Variants in CTDSP1 observed in about 807,000 individuals in gnomAD.
The protein encoded by CTDSP1 is carboxy-terminal domain RNA polymerase II polypeptide A small phosphatase 1.
A neutral mutation model predicts 32.5 loss-of-function variants in CTDSP1; 15 were observed. That is an observed-to-expected ratio of 0.46 (90% confidence interval 0.31 to 0.71). The LOEUF (loss-of-function observed/expected upper bound fraction) is 0.71, where lower values mean the gene tolerates loss of function less well. Among genes scored for constraint, CTDSP1 ranks in the 30% least tolerant of loss-of-function variants. The pLI is 0.05. For missense variants in CTDSP1, 294 were observed against 351.1 expected (o/e 0.84, Z 1.30); for synonymous variants, 185 against 145.4 (o/e 1.27, Z -1.96).
In CTDSP1 at chr2:218,404,792, AC is replaced by A; in HGVS notation, c.*372del. ...CCTGGGGGCAGGGTTCCTGCCTTGG[AC>A]CCCCAGTCTGGGAACGGTGGACATC... On this transcript the variant is annotated 3_prime_UTR_variant, in exon 7 of 7. Coordinates refer to ENST00000273062, the MANE Select transcript of CTDSP1 (RefSeq NM_021198.3). 1 of 193,862 alleles carries A rather than the reference AC, an allele frequency of 5.2e-6. No homozygotes were observed. Among genetic ancestry groups the A allele is most frequent in the Non-Finnish European group, 1.1e-5 (1 of 94,000 alleles). 12.0% of individuals were successfully genotyped at this position (193,862 alleles called of 1,614,324 possible). A position where few individuals can be genotyped will look rare whatever the true frequency, so the allele number is the denominator to read the frequency against.
chr2:218,396,544 CCT>C (rs1344417093), upstream of CTDSP1: 3 of 152,504 alleles, frequency 2.0e-5, no homozygotes, highest in Middle Eastern at 3.4e-3. Context: ...AGAAGAATTT[CCT>C]CTTTCTTAAA....
chr2:218,400,369 G>C (rs999744959), intron 1 of CTDSP1: 2 of 676,280 alleles, frequency 3.0e-6, no homozygotes, highest in Admixed American at 4.7e-5. Flanking sequence ...GGGCGCTCCT[G>C]TTCGCTCGAG....
chr2:218,398,826 A>C (rs1696953423), upstream of CTDSP1: 1 of 167,966 alleles, frequency 6.0e-6, no homozygotes. Context: ...ACGAGGAAAA[A>C]GACCAACCCG....
At chr2:218,400,838 G>A (rs755908149) in intron 1 of CTDSP1, 2 of 455,418 alleles carry the variant, frequency 4.4e-6, no homozygotes, top group Middle Eastern at 3.3e-4. Flanking sequence ...GGGCCGGGGT[G>A]GGGGGGTCTG....
chr2:218,401,764 G>T (rs749236212), intron 2 of CTDSP1, 52 bp downstream of exon 2: 1 of 1,477,674 alleles, frequency 6.8e-7, no homozygotes, highest in East Asian at 2.3e-5. Flanking sequence ...AGTCTTCAGG[G>T]CTTTAGGGGA....
Position 218,401,579 on chromosome 2 carries a change from C to A in CTDSP1, c.83C>A (p.Ala28Glu). The change falls in exon 2 of 7, where the codon GCA becomes GAA. Residue 28 changes from alanine (A) to glutamate (E), a missense_variant. By Grantham distance (107) the Ala-to-Glu change is moderately radical (BLOSUM62 -1). Coordinates refer to ENST00000273062, the MANE Select transcript of CTDSP1 (RefSeq NM_021198.3). ...CCTACTTCAGGTGACCAGAAGTCAGCAGCTTCCCAGAAGCCCCGAAGCCGG... is the reference window on the plus strand; with the variant it reads ...CCTACTTCAGGTGACCAGAAGTCAGAAGCTTCCCAGAAGCCCCGAAGCCGG... ...PLRGKGDQKS[A>E]ASQKPRSRGI... 1.2e-6 allele frequency: 2 copies of A among 1,613,928 alleles called. No individual in the cohort carries two copies. The highest frequency in any genetic ancestry group is 1.7e-5 in the Admixed American group (1 of 59,998).
chr2:218,397,977 C>A (rs1696907671), upstream of CTDSP1, among the ~76,000 whole-genome samples: 2 of 152,150 alleles, frequency 1.3e-5, no homozygotes, highest in Non-Finnish European at 1.5e-5. Context: ...CCTGAGGAAT[C>A]CTGTGAGCTC....
rs373131632 is a variant in CTDSP1, at chr2:218,402,710, G to A, written c.378+305G>A. The A allele has an allele frequency of 7.9e-6, 6 of 760,278 alleles. No homozygotes were observed. The African/African-American group carries it at 8.5e-5, about 11-fold the overall frequency. 47.1% of individuals were successfully genotyped at this position (760,278 alleles called of 1,614,324 possible). On this transcript the variant is annotated intron_variant, in intron 4 of 6. Transcript: ENST00000273062. ...TGTCCAGCCTGTTCTCCATTACTTG[G>A]CTCGGGGACCGGTGCCCTGCAGCCT...
chr2:218,397,118 G>A (rs1696837381), upstream of CTDSP1, among the ~76,000 whole-genome samples: 1 of 152,166 alleles, frequency 6.6e-6, no homozygotes, highest in African/African-American at 2.4e-5. Context: ...GCTTTCTGGG[G>A]ACGTCTTAGA....
chr2:218,402,430 TGGGCTTGG>T, intron 4 of CTDSP1, 25 bp downstream of exon 4: 3 of 1,598,272 alleles, frequency 1.9e-6, no homozygotes, highest in Non-Finnish European at 2.6e-6. Context: ...GAGGCAGTGG[TGGGCTTGG>T]CATCTGCCTC....
intron 1 of CTDSP1, 187 bp from the exon 2 acceptor site, chr2:218,401,377 G>A (rs1279636746): frequency 2.7e-5 from 17 of 626,662 alleles, no homozygotes; most frequent in Middle Eastern, 3.8e-4. Flanking sequence ...GGAGCTGCAG[G>A]AGCCTTGCAG....
upstream of CTDSP1, among the ~76,000 whole-genome samples, chr2:218,398,053 G>A (rs919644112): frequency 6.6e-6 from 1 of 152,198 alleles, no homozygotes; most frequent in Admixed American, 6.5e-5. Flanking sequence ...CCTTCACAGA[G>A]GGAGAGGAAA....
At chr2:218,403,550 C>T (rs1697265632) in intron 6 of CTDSP1, 133 bp downstream of exon 6, 1 of 734,594 alleles carries the variant, frequency 1.4e-6, no homozygotes, top group East Asian at 2.7e-5. Context: ...GCATTCATTG[C>T]CTGTGCCTGC....
chr2:218,401,600 G>A lies in CTDSP1; in HGVS notation c.104G>A (p.Ser35Asn), dbSNP rs1443735326. 1.2e-6 allele frequency: 2 copies of A among 1,613,826 alleles called. No homozygotes were observed. The highest frequency in any genetic ancestry group is 3.3e-5 in the Admixed American group (2 of 59,974). The part of the protein sequence containing the change: ...QKSAASQKPR[S>N]RGILHSLFCC... ...TCAGCAGCTTCCCAGAAGCCCCGAA[G>A]CCGGGGCATCCTCCACTCACTCTTC... Residue 35 changes from serine to asparagine, a missense_variant, in exon 2 of 7, where the codon AGC (serine) becomes AAC (asparagine). Coordinates refer to ENST00000273062, the MANE Select transcript of CTDSP1 (RefSeq NM_021198.3).
chr2:218,398,249 G>A, upstream of CTDSP1: 3 of 666,566 alleles, frequency 4.5e-6, no homozygotes, highest in Non-Finnish European at 7.7e-6. Flanking sequence ...GCCCTTGCCG[G>A]TAGACCCGAA....
At chr2:218,400,559 CG>C (rs1416528872) in intron 1 of CTDSP1, 1 of 373,356 alleles carries the variant, frequency 2.7e-6, no homozygotes, top group East Asian at 6.9e-5. Flanking sequence ...CCCACCCCCC[CG>C]GGCTGCGGTC....
chr2:218,400,516 G>A, intron 1 of CTDSP1: 1 of 394,800 alleles, frequency 2.5e-6, no homozygotes, highest in Non-Finnish European at 4.9e-6. Context: ...GCGCCTATGG[G>A]CCACCCGCTG....
At chr2:218,397,412 G>A (rs1696876803), upstream of CTDSP1, among the ~76,000 whole-genome samples, 1 of 152,062 alleles carries the variant, frequency 6.6e-6, no homozygotes, top group Non-Finnish European at 1.5e-5. Context: ...GGGCGTGGTC[G>A]CACTTGGCAC....
intron 6 of CTDSP1, among the ~76,000 whole-genome samples, chr2:218,403,917 A>G (rs977076552): frequency 4.6e-5 from 7 of 152,186 alleles, no homozygotes; most frequent in African/African-American, 1.7e-4. Flanking sequence ...AAAACTAGCC[A>G]GGCGTGGTGG....
Sources: gnomAD v4.1 joint callset for allele counts (sites outside exome capture counted in the v4.1 genomes callset) on GRCh38, gnomAD v4.1.1 for gene constraint, MANE v1.5 for transcripts, NCBI Gene and HGNC (gene_info 2026-07-23, HGNC 2026-07-21) for gene names.